MYO3A: variants seen among roughly 807,000 people sequenced by gnomAD.
MYO3A encodes myosin-IIIa.
Under a neutral mutation model 192.7 loss-of-function variants are expected in MYO3A, and 180 were observed. That is an observed-to-expected ratio of 0.93 (90% CI 0.83 to 1.06). MYO3A has a LOEUF of 1.06. MYO3A is among the 50% of genes least tolerant of loss of function. The probability of loss-of-function intolerance (pLI) is 0.00; values close to 1 mark genes in which losing one functional copy is unlikely to be tolerated. For synonymous variants in MYO3A, 628 were observed against 645.3 expected (o/e 0.97, Z 0.41); for missense variants, 1,896 against 1,905.0 (o/e 1.00, Z 0.09).
At chr10:25,953,556 T>G (rs1564400220) in intron 3 of MYO3A, among the ~76,000 whole-genome samples, 1 of 152,080 alleles carries the variant, frequency 6.6e-6, no homozygotes, top group Admixed American at 6.6e-5. Flanking sequence ...TCCTGTAGCC[T>G]TTGCATTAGG....
In MYO3A at chr10:25,988,447, T is replaced by C. The variant is rs567892777; in HGVS notation, c.304-8043T>C. Among the ~76,000 whole-genome samples, 3 of 152,282 alleles carry C rather than the reference T, an allele frequency of 2.0e-5. No homozygotes were observed. In the East Asian group the frequency reaches 5.8e-4, roughly 29 times the overall value. On this transcript the variant is annotated intron_variant, in intron 4 of 34. Coordinates refer to ENST00000642920, the MANE Select transcript of MYO3A (RefSeq NM_017433.5). ...TCACAATGTCAAGTGCTGATGAAGA[T>C]ATGGAACAACTAGAACTCTCATACA...
chr10:26,084,003 G>C (rs565802066), intron 14 of MYO3A, among the ~76,000 whole-genome samples: 1 of 152,260 alleles, frequency 6.6e-6, no homozygotes, highest in South Asian at 2.1e-4. Flanking sequence ...TTTCTAGATA[G>C]TTCGTAAGAA....
At chr10:26,192,201 C>T (rs1319283010) in intron 31 of MYO3A, among the ~76,000 whole-genome samples, 2 of 152,114 alleles carry the variant, frequency 1.3e-5, no homozygotes, top group East Asian at 1.9e-4. Context: ...CGGTGTTGCT[C>T]CCGGTTTGAG....
At chr10:26,057,943 A>G (rs1216542696) in intron 10 of MYO3A, among the ~76,000 whole-genome samples, 1 of 123,284 alleles carries the variant, frequency 8.1e-6, no homozygotes, top group African/African-American at 2.7e-5. Flanking sequence ...ATCCCACACC[A>G]CAGTGGTACT....
At chr10:25,955,575 T>G (rs903336166) in intron 4 of MYO3A, among the ~76,000 whole-genome samples, 1 of 152,168 alleles carries the variant, frequency 6.6e-6, no homozygotes, top group Non-Finnish European at 1.5e-5. Flanking sequence ...AGAGTAGTTT[T>G]TCTTACACTT....
intron 26 of MYO3A, 56 bp from the exon 27 acceptor site, chr10:26,166,011 C>A: frequency 7.1e-7 from 1 of 1,400,980 alleles, no homozygotes; most frequent in Non-Finnish European, 1.0e-6. Context: ...AACCACCAAG[C>A]TACAGAGATG....
intron 4 of MYO3A, among the ~76,000 whole-genome samples, chr10:25,996,151 G>A (rs959758988): frequency 5.3e-5 from 8 of 152,078 alleles, no homozygotes; most frequent in East Asian, 1.9e-4. Flanking sequence ...TGGTCTCCAC[G>A]CAGTTCCAGC....
chr10:26,138,654 C>T (rs1169308625), intron 20 of MYO3A, among the ~76,000 whole-genome samples: 1 of 152,070 alleles, frequency 6.6e-6, no homozygotes, highest in African/African-American at 2.4e-5. Flanking sequence ...CACAGAGAGG[C>T]AATGCAAGAG....
chr10:25,952,805 T>G (rs1837289912), intron 3 of MYO3A, among the ~76,000 whole-genome samples: 1 of 151,682 alleles, frequency 6.6e-6, no homozygotes, highest in African/African-American at 2.4e-5. Context: ...TTCCTTATTG[T>G]GAAGAATTAA....
chr10:25,946,842 C>A (rs553533100), intron 2 of MYO3A, among the ~76,000 whole-genome samples: 1 of 121,732 alleles, frequency 8.2e-6, no homozygotes, highest in Non-Finnish European at 1.6e-5. Flanking sequence ...CACACGACTG[C>A]ACTCTGGCCT....
chr10:26,071,816 T>G (rs4548528), intron 14 of MYO3A, among the ~76,000 whole-genome samples: 72,121 of 151,876 alleles, frequency 0.47, 17,932 homozygotes, highest in Middle Eastern at 0.59. Context: ...AAGAAAACAC[T>G]ATTACAAAAC....
At chr10:26,147,394 A>T in intron 22 of MYO3A, 36 bp from the exon 23 acceptor site, 2 of 1,584,394 alleles carry the variant, frequency 1.3e-6, no homozygotes, top group Non-Finnish European at 1.7e-6. Context: ...TGACAATGAC[A>T]TTGATTGTGA....
chr10:26,011,333 C>G (rs1311250048), intron 6 of MYO3A, among the ~76,000 whole-genome samples: 3 of 151,976 alleles, frequency 2.0e-5, no homozygotes, highest in African/African-American at 7.3e-5. Flanking sequence ...ACTTGGGAGA[C>G]TGAGATGGAA....
chr10:26,096,158 A>G (rs1309001780), intron 15 of MYO3A, among the ~76,000 whole-genome samples: 1 of 152,244 alleles, frequency 6.6e-6, no homozygotes, highest in Non-Finnish European at 1.5e-5. Flanking sequence ...TCACGAATGT[A>G]TACTGAATGA....
At chr10:25,975,497 G>A (rs190368346) in intron 4 of MYO3A, among the ~76,000 whole-genome samples, 12 of 151,960 alleles carry the variant, frequency 7.9e-5, no homozygotes, top group African/African-American at 2.9e-4. Context: ...CATCATGGCT[G>A]GGACTGTTTT....
At position 26,167,007 on chromosome 10, in the gene MYO3A, G is replaced by A. The variant is rs565805001; in HGVS notation, c.3111+829G>A. On this transcript the variant is annotated intron_variant, in intron 27 of 34. Coordinates refer to ENST00000642920, the MANE Select transcript of MYO3A (RefSeq NM_017433.5). ...TTCTCAGGTATTCTCATAGCATTACGAGACAGGGATCAGGAAATAAACAGG... is the reference window on the plus strand; with the variant it reads ...TTCTCAGGTATTCTCATAGCATTACAAGACAGGGATCAGGAAATAAACAGG... 1.2e-4 allele frequency among the ~76,000 whole-genome samples: 18 copies of A among 152,232 alleles called. No homozygotes were observed. The South Asian group carries it at 3.5e-3, about 30-fold the overall frequency.
intron 10 of MYO3A, among the ~76,000 whole-genome samples, chr10:26,052,269 G>A (rs1297483233): frequency 6.6e-6 from 1 of 152,084 alleles, no homozygotes; most frequent in Non-Finnish European, 1.5e-5. Flanking sequence ...CAAATTTTAT[G>A]AATATATATT....
At chr10:26,068,404 A>G (rs1480454638) in intron 11 of MYO3A, among the ~76,000 whole-genome samples, 1 of 152,154 alleles carries the variant, frequency 6.6e-6, no homozygotes, top group African/African-American at 2.4e-5. Flanking sequence ...TTGGAATTAA[A>G]TCATATTCAC....
intron 10 of MYO3A, among the ~76,000 whole-genome samples, chr10:26,040,675 C>T (rs986072987): frequency 4.6e-5 from 7 of 151,928 alleles, no homozygotes; most frequent in African/African-American, 1.7e-4. Context: ...ATGGGAAAAG[C>T]GTTCATTTCT....
Sources: allele counts gnomAD v4.1 joint callset (sites outside exome capture counted in the v4.1 genomes callset), GRCh38; gene constraint gnomAD v4.1.1; transcripts MANE v1.5; gene names NCBI Gene and HGNC (gene_info 2026-07-23, HGNC 2026-07-21).